ARL5B: variants seen among roughly 807,000 people sequenced by gnomAD.
ARL5B encodes the protein ARF like GTPase 5B, also known as ADP-ribosylation factor-like protein 5B.
A neutral mutation model predicts 26.9 loss-of-function variants in ARL5B; 10 were observed. The ratio of observed to expected loss-of-function variants is 0.37; its 90% confidence interval spans 0.23 to 0.63. The LOEUF is 0.63. Among genes scored for constraint, ARL5B ranks in the 30% least tolerant of loss-of-function variants. The probability of loss-of-function intolerance (pLI) is 0.62; values close to 1 mark genes in which losing one functional copy is unlikely to be tolerated. For missense variants in ARL5B, 167 were observed against 213.9 expected (o/e 0.78, Z 1.37); for synonymous variants, 87 against 70.4 (o/e 1.24, Z -1.18).
At position 18,668,418 on chromosome 10, in the gene ARL5B, A is replaced by G. The variant is rs1028712513; in HGVS notation, c.108-112A>G. The G allele has an allele frequency of 5.4e-6, 6 of 1,113,622 alleles. No homozygotes were observed. The Admixed American group carries it at 1.4e-4, about 25-fold the overall frequency. The allele number at this position is 1,113,622 out of a possible 1,614,324, so 69.0% of individuals were successfully genotyped here. A position where few individuals can be genotyped will look rare whatever the true frequency, so the allele number is the denominator to read the frequency against. ...CTCCAGGTTTATAATTTTCATGCTA[A>G]TGATCACCATCATTGGTGCAGAAGG... On this transcript the variant is annotated intron_variant, in intron 2 of 5. Transcript: ENST00000377275.
At chr10:18,667,862 C>T (rs1367409008) in intron 2 of ARL5B, among the ~76,000 whole-genome samples, 35 of 151,964 alleles carry the variant, frequency 2.3e-4, no homozygotes, top group Non-Finnish European at 1.2e-4. Flanking sequence ...TTACAAGCGC[C>T]CACCACCACG....
In ARL5B at chr10:18,659,618, G is replaced by A; in HGVS notation, c.-20G>A. 2 of 1,606,228 alleles carry A rather than the reference G, an allele frequency of 1.2e-6. No homozygotes were observed. Among genetic ancestry groups the A allele is most frequent in the Non-Finnish European group, 1.7e-6 (2 of 1,176,782 alleles). Reference sequence around the variant, plus strand: ...GGCACCTGCTGCCGAGGGACCCCGCGGCCCGCCCCGGTGCTCGTGATGGGG... The same window carrying A: ...GGCACCTGCTGCCGAGGGACCCCGCAGCCCGCCCCGGTGCTCGTGATGGGG... On this transcript the variant is annotated 5_prime_UTR_variant, in exon 1 of 6. Coordinates refer to ENST00000377275, the MANE Select transcript of ARL5B (RefSeq NM_178815.5).
chr10:18,669,309 T>G (rs2059876270), intron 3 of ARL5B, among the ~76,000 whole-genome samples: 1 of 152,170 alleles, frequency 6.6e-6, no homozygotes, highest in South Asian at 2.1e-4. Context: ...GGAGATATTA[T>G]GTAGGTTTCC....
At chr10:18,672,746 A>AGTATCT (rs1564866680) in intron 4 of ARL5B, 41 bp downstream of exon 4, 1 of 1,458,852 alleles carries the variant, frequency 6.9e-7, no homozygotes, top group South Asian at 1.2e-5. Context: ...AGTGTAGTAA[A>AGTATCT]GTATCTGTAC....
chr10:18,669,758 C>T (rs959165257), intron 3 of ARL5B, among the ~76,000 whole-genome samples: 1 of 151,842 alleles, frequency 6.6e-6, no homozygotes, highest in East Asian at 1.9e-4. Flanking sequence ...TTTGGGAGGC[C>T]GAGGCGGGTG....
rs2059900766 is a variant in ARL5B at position 18,674,230 on chromosome 10, C to T, written c.491+95C>T. 45 of 1,197,174 alleles carry T rather than the reference C, an allele frequency of 3.8e-5. No individual in the cohort carries two copies. The South Asian group carries it at 7.8e-4, about 21-fold the overall frequency. The allele number at this position is 1,197,174 out of a possible 1,614,324, so 74.2% of individuals were successfully genotyped here. On this transcript the variant is annotated intron_variant, in intron 5 of 5. Transcript: ENST00000377275. ...TTTCTTCATGGGTCCTGTTCCTTTT[C>T]TGTTTGTTTGTTCTTAATTAAAGGT... is the stretch of plus-strand genomic sequence containing the variant.
At chr10:18,668,802 GCT>G in intron 3 of ARL5B, 125 bp downstream of exon 3, 2 of 1,010,462 alleles carry the variant, frequency 2.0e-6, no homozygotes, top group Non-Finnish European at 2.7e-6. Flanking sequence ...ACGGAGTCTT[GCT>G]CTGTCGCCAG....
rs1287083227 is a variant in ARL5B at position 18,674,051 on chromosome 10, C to A, written c.407C>A (p.Ala136Asp). 1.2e-6 allele frequency: 2 copies of A among 1,613,286 alleles called. No homozygotes were observed. The highest frequency in any genetic ancestry group is 2.7e-5 in the African/African-American group (2 of 74,852). ...KQDMKGCMTA[A>D]EISKYLTLSS... ...GATATGAAAGGGTGTATGACAGCAG[C>A]TGAAATCTCGAAATACCTCACCCTT... Residue 136 changes from alanine (A) to aspartate (D), a missense_variant, in exon 5 of 6, where the codon GCT becomes GAT. Physicochemically the swap from Ala to Asp is moderately radical, Grantham distance 126 (BLOSUM62 -2). Transcript: ENST00000377275.
intron 1 of ARL5B, among the ~76,000 whole-genome samples, chr10:18,662,982 C>T (rs1195000870): frequency 6.6e-6 from 1 of 151,218 alleles, no homozygotes; most frequent in East Asian, 2.0e-4. Flanking sequence ...GGATTACAGA[C>T]GTGAACCACT....
rs529154588 is a variant in ARL5B, at chr10:18,669,847, G to C, written c.255+1170G>C. On this transcript the variant is annotated intron_variant, in intron 3 of 5. Coordinates refer to ENST00000377275, the MANE Select transcript of ARL5B (RefSeq NM_178815.5). ...TCTCTACTAAAAATACAAAAAACTA[G>C]CCGGGCGTGGTGGGGCAGACTTGTA... Among the ~76,000 whole-genome samples the C allele has an allele frequency of 2.6e-5, 4 of 152,078 alleles. No individual in the cohort carries two copies. The East Asian group carries it at 5.8e-4, about 22-fold the overall frequency.
rs142504308 is a variant in ARL5B at position 18,662,710 on chromosome 10, T to G, written c.46+3027T>G. 2.5e-3 allele frequency among the ~76,000 whole-genome samples: 375 copies of G among 151,860 alleles called. 8 individuals carry two copies. In the East Asian group the frequency reaches 0.054, roughly 22 times the overall value. On this transcript the variant is annotated intron_variant, in intron 1 of 5. Transcript: ENST00000377275. ...TTCTTTTTTTGTTGTTTGTTTGTTT[T>G]TTTTTTTTAATGAGATGGAGTCTCA...
At chr10:18,671,202 A>T (rs940963041) in intron 3 of ARL5B, among the ~76,000 whole-genome samples, 1 of 151,580 alleles carries the variant, frequency 6.6e-6, no homozygotes. Context: ...TTATTTATTT[A>T]TTTTTTTGAG....
intron 1 of ARL5B, among the ~76,000 whole-genome samples, chr10:18,660,791 C>G (rs928604154): frequency 2.6e-5 from 4 of 152,156 alleles, no homozygotes; most frequent in Admixed American, 1.3e-4. Flanking sequence ...CAAATGATTT[C>G]AAAGTGAGCA....
chr10:18,673,966 A>T lies in ARL5B; in HGVS notation c.340-18A>T. On this transcript the variant is annotated intron_variant, in intron 4 of 5. Coordinates refer to ENST00000377275, the MANE Select transcript of ARL5B (RefSeq NM_178815.5). ...TTGTGGTATTTCACATATTAGAAAT[A>T]TTTTGTCTTGATTGCAGGATTTACG... is the stretch of plus-strand genomic sequence containing the variant. The T allele has an allele frequency of 6.3e-7, 1 of 1,582,534 alleles. No individual in the cohort carries two copies. The highest frequency in any genetic ancestry group is 8.6e-7 in the Non-Finnish European group (1 of 1,165,144).
Position 18,677,259 on chromosome 10 carries a change from TG to T in ARL5B, c.*2045del, listed in dbSNP as rs1035666617. The T allele has an allele frequency of 5.9e-5, 9 of 152,228 alleles. No homozygotes were observed. The highest frequency in any genetic ancestry group is 1.4e-4 in the African/African-American group (6 of 41,398). The allele number at this position is 152,228 out of a possible 1,614,324, so 9.4% of individuals were successfully genotyped here. A position where few individuals can be genotyped will look rare whatever the true frequency, so the allele number is the denominator to read the frequency against. ...CTCAATTTTCTTCTGTCAAATTATA[TG>T]GTTATTTTTTATATTACCACATCAG... On this transcript the variant is annotated 3_prime_UTR_variant, in exon 6 of 6. Transcript: ENST00000377275.
intron 1 of ARL5B, among the ~76,000 whole-genome samples, chr10:18,666,204 C>T (rs1261442520): frequency 6.6e-6 from 1 of 152,158 alleles, no homozygotes; most frequent in Non-Finnish European, 1.5e-5. Context: ...TTGATTGGTA[C>T]AGAGCTAAAA....
intron 1 of ARL5B, among the ~76,000 whole-genome samples, chr10:18,660,203 C>G (rs1051293979): frequency 6.6e-6 from 1 of 152,104 alleles, no homozygotes; most frequent in Non-Finnish European, 1.5e-5. Context: ...ACGAGTTTTC[C>G]AGCATCTTCA....
Position 18,659,613 on chromosome 10 carries a change from C to T in ARL5B, c.-25C>T. 2 of 1,604,762 alleles carry T rather than the reference C, an allele frequency of 1.2e-6. No homozygotes were observed. The highest frequency in any genetic ancestry group is 1.7e-6 in the Non-Finnish European group (2 of 1,176,190). The stretch of plus-strand genomic sequence containing the variant: ...GCAGCGGCACCTGCTGCCGAGGGAC[C>T]CCGCGGCCCGCCCCGGTGCTCGTGA... On this transcript the variant is annotated 5_prime_UTR_variant, in exon 1 of 6. Transcript: ENST00000377275.
chr10:18,664,508 G>C (rs1356053993), intron 1 of ARL5B, among the ~76,000 whole-genome samples: 1 of 143,864 alleles, frequency 7.0e-6, no homozygotes, highest in East Asian at 2.1e-4. Context: ...CCCGATCTCG[G>C]CTCACCGCAA....
Sources: gnomAD v4.1 joint callset for allele counts (sites outside exome capture counted in the v4.1 genomes callset) on GRCh38, gnomAD v4.1.1 for gene constraint, MANE v1.5 for transcripts, NCBI Gene and HGNC (gene_info 2026-07-23, HGNC 2026-07-21) for gene names.